THSD7A: variants seen among roughly 807,000 people sequenced by gnomAD.
THSD7A encodes thrombospondin type 1 domain containing 7A.
A neutral mutation model predicts 231.3 loss-of-function variants in THSD7A; 96 were observed. The ratio of observed to expected loss-of-function variants is 0.41; its 90% CI spans 0.35 to 0.49. THSD7A has a LOEUF of 0.49. Ranked by LOEUF, THSD7A falls within the 20% of genes least tolerant of loss-of-function variation. THSD7A has a pLI of 0.05. For missense variants in THSD7A, 2,290 were observed against 2,070.2 expected (o/e 1.11, Z -2.06); for synonymous variants, 940 against 743.3 (o/e 1.26, Z -4.30).
At chr7:11,709,213 C>T (rs1299229947) in intron 1 of THSD7A, among the ~76,000 whole-genome samples, 1 of 150,770 alleles carries the variant, frequency 6.6e-6, no homozygotes, top group Non-Finnish European at 1.5e-5. Context: ...ATGCTGCATA[C>T]ATTCAATACA....
At position 11,401,961 on chromosome 7, in the gene THSD7A, A is replaced by G; in HGVS notation, c.4245T>C (p.Cys1415=). The change falls in exon 23 of 28, where the codon TGT becomes TGC. Residue 1415 remains cysteine (C), a synonymous_variant. Transcript: ENST00000423059. The stretch of plus-strand genomic sequence containing the variant: ...TCCAGGAAGACCAGTCCTTCAAATA[A>G]CAGTCACCTGTAAAACACATATTTG... ...ESCSQPCPGD[C]YLKDWSSWSL... is the part of the protein sequence containing the mutation. The G allele has an allele frequency of 6.2e-7, 1 of 1,612,708 alleles. No homozygotes were observed. The highest frequency in any genetic ancestry group is 1.3e-5 in the African/African-American group (1 of 74,954).
intron 1 of THSD7A, among the ~76,000 whole-genome samples, chr7:11,750,070 G>A (rs925605278): frequency 1.3e-5 from 2 of 150,600 alleles, no homozygotes; most frequent in African/African-American, 2.4e-5. Flanking sequence ...ATAACTGCAG[G>A]GTGGAATCCC....
chr7:11,724,546 T>C (rs1026821385), intron 1 of THSD7A, among the ~76,000 whole-genome samples: 8 of 151,858 alleles, frequency 5.3e-5, no homozygotes, highest in Non-Finnish European at 2.9e-5. Context: ...TGTGTGTATA[T>C]ACACGCACAC....
chr7:11,658,778 T>A (rs1319944653), intron 1 of THSD7A, among the ~76,000 whole-genome samples: 1 of 151,756 alleles, frequency 6.6e-6, no homozygotes, highest in Non-Finnish European at 1.5e-5. Flanking sequence ...AAGCAGAGGC[T>A]ACTAGTGTGG....
Position 11,375,765 on chromosome 7 carries a change from A to G in THSD7A, c.*29T>C. ...GACATCTATGAAGTCAGAAAGCCGA[A>G]ACTGGTTGTTGCCAGGAAAAGTTAT... On this transcript the variant is annotated 3_prime_UTR_variant, in exon 28 of 28. Coordinates refer to ENST00000423059, the MANE Select transcript of THSD7A (RefSeq NM_015204.3). 3.7e-6 allele frequency: 6 copies of G among 1,602,038 alleles called. No individual in the cohort carries two copies. Among genetic ancestry groups the G allele is most frequent in the Non-Finnish European group, 5.1e-6 (6 of 1,170,550 alleles).
At chr7:11,646,232 A>G (rs1434458821) in intron 1 of THSD7A, among the ~76,000 whole-genome samples, 2 of 152,044 alleles carry the variant, frequency 1.3e-5, no homozygotes, top group Non-Finnish European at 2.9e-5. Context: ...TCTACAAAAC[A>G]ACATAAACTT....
chr7:11,580,211 C>T (rs1791096460), intron 4 of THSD7A, among the ~76,000 whole-genome samples: 1 of 151,984 alleles, frequency 6.6e-6, no homozygotes, highest in African/African-American at 2.4e-5. Context: ...AATTACAGCC[C>T]CAGTGGGTAA....
At chr7:11,633,137 T>G (rs1386413647) in intron 2 of THSD7A, among the ~76,000 whole-genome samples, 1 of 152,168 alleles carries the variant, frequency 6.6e-6, no homozygotes, top group Non-Finnish European at 1.5e-5. Flanking sequence ...TTAAACTCAT[T>G]CTGTTTTTAA....
chr7:11,802,398 T>A (rs994233625), intron 1 of THSD7A, among the ~76,000 whole-genome samples: 2 of 152,154 alleles, frequency 1.3e-5, no homozygotes, highest in Non-Finnish European at 2.9e-5. Flanking sequence ...AAACAACATC[T>A]GTGTGTTGAA....
intron 24 of THSD7A, among the ~76,000 whole-genome samples, chr7:11,381,078 T>C (rs1434095853): frequency 6.6e-6 from 1 of 152,140 alleles, no homozygotes; most frequent in African/African-American, 2.4e-5. Context: ...TTTGAATAGT[T>C]TAAAAAAGAA....
At chr7:11,813,597 C>T (rs1259618801) in intron 1 of THSD7A, among the ~76,000 whole-genome samples, 3 of 151,918 alleles carry the variant, frequency 2.0e-5, no homozygotes, top group Non-Finnish European at 4.4e-5. Context: ...CCTGTAGTCC[C>T]AGCTACTTGG....
chr7:11,445,050 A>G (rs1784923393), intron 13 of THSD7A, among the ~76,000 whole-genome samples: 1 of 151,640 alleles, frequency 6.6e-6, no homozygotes, highest in African/African-American at 2.4e-5. Flanking sequence ...TAAATATGAG[A>G]TGGTTTTTAT....
intron 22 of THSD7A, among the ~76,000 whole-genome samples, chr7:11,404,775 AT>A (rs1482765265): frequency 6.6e-6 from 1 of 151,766 alleles, no homozygotes; most frequent in African/African-American, 2.4e-5. Context: ...ATTCTATTTT[AT>A]TTTTTATTGT....
chr7:11,637,214 AG>A lies in THSD7A; in HGVS notation c.191-254del, dbSNP rs1781900180. On this transcript the variant is annotated intron_variant, in intron 1 of 27. Coordinates refer to ENST00000423059, the MANE Select transcript of THSD7A (RefSeq NM_015204.3). The surrounding 1 kb of genome is among the most constrained non-coding windows in gnomAD (Gnocchi z 4.2). The stretch of plus-strand genomic sequence containing the variant: ...TTTGGGTCCTTTAGGGATTACGAAA[AG>A]TTTGGTTTTGTTCATTTCCTTTGTT... Among the ~76,000 whole-genome samples, 3 of 152,136 alleles carry A rather than the reference AG, an allele frequency of 2.0e-5. No individual in the cohort carries two copies. Among genetic ancestry groups the A allele is most frequent in the Admixed American group, 1.3e-4 (2 of 15,278 alleles).
At chr7:11,514,882 A>C (rs58312914) in intron 6 of THSD7A, among the ~76,000 whole-genome samples, 5,697 of 152,154 alleles carry the variant, frequency 0.037, 371 homozygotes, top group African/African-American at 0.13. Flanking sequence ...AAAACTAAGA[A>C]CCACTAATAT....
chr7:11,379,757 A>G (rs1413158000), intron 24 of THSD7A, 45 bp from the exon 25 acceptor site: 3 of 1,528,496 alleles, frequency 2.0e-6, no homozygotes, highest in Non-Finnish European at 2.7e-6. Flanking sequence ...ATATTTTGCT[A>G]TGATGAAAAT....
intron 6 of THSD7A, among the ~76,000 whole-genome samples, chr7:11,511,594 C>T (rs568027913): frequency 1.2e-4 from 18 of 152,056 alleles, no homozygotes; most frequent in Admixed American, 7.2e-4. Flanking sequence ...AGATATAGAC[C>T]AATGGAACAG....
chr7:11,411,165 G>T lies in THSD7A; in HGVS notation c.3798+42C>A. The T allele has an allele frequency of 6.8e-7, 1 of 1,468,786 alleles. No individual in the cohort carries two copies. The highest frequency in any genetic ancestry group is 9.5e-7 in the Non-Finnish European group (1 of 1,054,258). The allele number at this position is 1,468,786 out of a possible 1,614,324, so 91.0% of individuals were successfully genotyped here. On this transcript the variant is annotated intron_variant, in intron 19 of 27. Transcript: ENST00000423059. This position sits in a 1 kb window ranked among gnomAD's most constrained non-coding sequence, Gnocchi z 4.1. ...GCTCAGCATGAATTGAAATTATTAGGGAAGAATTTACTCGCGAAGATATAA... is the reference window on the plus strand; with the variant it reads ...GCTCAGCATGAATTGAAATTATTAGTGAAGAATTTACTCGCGAAGATATAA...
In THSD7A at chr7:11,818,844, T is replaced by C. The variant is rs117121175; in HGVS notation, c.190+12913A>G. ...AGAGGGAACAAAGTGTAGGACCATC[T>C]ACATTTATTCCTTACTTAATTCCCA... is the stretch of plus-strand genomic sequence containing the variant. On this transcript the variant is annotated intron_variant, in intron 1 of 27. Transcript: ENST00000423059. Among the ~76,000 whole-genome samples, 369 of 150,688 alleles carry C rather than the reference T, an allele frequency of 2.4e-3. 3 individuals carry two copies. The highest frequency in any genetic ancestry group is 4.0e-3 in the Non-Finnish European group (270 of 67,888).
Sources: gnomAD v4.1 joint callset for allele counts (sites outside exome capture counted in the v4.1 genomes callset) on GRCh38, gnomAD v4.1.1 for gene constraint, Gnocchi (gnomAD v3.1) non-coding constraint, MANE v1.5 for transcripts, NCBI Gene and HGNC (gene_info 2026-07-23, HGNC 2026-07-21) for gene names.